Variants in SOX5 observed in about 807,000 individuals in gnomAD.
The protein encoded by SOX5 is SRY-box transcription factor 5, also known as transcription factor SOX-5.
SOX5 carries 9 observed loss-of-function variants against 92.0 expected under a neutral mutation model. The observed-to-expected ratio is 0.10, with a 90% CI of 0.06 to 0.17. The LOEUF (loss-of-function observed/expected upper bound fraction) is 0.17. Ranked by LOEUF, SOX5 falls within the 10% of genes least tolerant of loss-of-function variation. The probability of loss-of-function intolerance (pLI) is 1.00; values close to 1 mark genes in which losing one functional copy is unlikely to be tolerated. For missense variants in SOX5, 642 were observed against 944.5 expected (o/e 0.68, Z 4.20); for synonymous variants, 344 against 336.3 (o/e 1.02, Z -0.25).
intron 2 of SOX5, among the ~76,000 whole-genome samples, chr12:23,880,274 T>G (rs1164419216): frequency 1.3e-5 from 2 of 152,162 alleles, no homozygotes; most frequent in Non-Finnish European, 2.9e-5. Flanking sequence ...ACCTTAACTT[T>G]AGAGATTAGT....
At chr12:23,974,795 A>T (rs1052118724) in intron 4 of SOX5, among the ~76,000 whole-genome samples, 18 of 152,178 alleles carry the variant, frequency 1.2e-4, no homozygotes, top group Non-Finnish European at 2.1e-4. Flanking sequence ...GTGATATGAA[A>T]ATTAAGGAAA....
intron 4 of SOX5, among the ~76,000 whole-genome samples, chr12:24,164,281 A>T (rs1301734584): frequency 6.6e-6 from 1 of 152,096 alleles, no homozygotes; most frequent in African/African-American, 2.4e-5. Flanking sequence ...CACATTTCAG[A>T]GTATATAAAG....
At chr12:24,167,768 T>C (rs1170800638) in intron 4 of SOX5, among the ~76,000 whole-genome samples, 3 of 152,256 alleles carry the variant, frequency 2.0e-5, no homozygotes, top group East Asian at 1.9e-4. Flanking sequence ...AAACATGACA[T>C]AGTGCTTACT....
At chr12:23,675,205 T>C (rs973588) in intron 6 of SOX5, among the ~76,000 whole-genome samples, 111,797 of 152,086 alleles carry the variant, frequency 0.74, 41,441 homozygotes, top group East Asian at 0.91. Flanking sequence ...TACTATGTAT[T>C]CTGTGCAATG....
chr12:24,423,487 C>T (rs1006804350), intron 1 of SOX5, among the ~76,000 whole-genome samples: 1 of 152,182 alleles, frequency 6.6e-6, no homozygotes, highest in African/African-American at 2.4e-5. Context: ...GGTTTTCATG[C>T]TTTCTATATG....
rs118001159 is a variant in SOX5, at chr12:23,675,329, G to A, written c.811-9765C>T. 8.0e-4 allele frequency among the ~76,000 whole-genome samples: 121 copies of A among 152,018 alleles called. 3 individuals are homozygous for A. The East Asian group carries it at 0.019, about 23-fold the overall frequency. On this transcript the variant is annotated intron_variant, in intron 6 of 14. Transcript: ENST00000451604. ...CAAGAGACCTTTTATTCTTCTATCC[G>A]TCCTCAGAGTGCAGACTGCACAGTG...
intron 6 of SOX5, among the ~76,000 whole-genome samples, chr12:23,732,392 T>A (rs1332543683): frequency 6.6e-6 from 1 of 152,192 alleles, no homozygotes; most frequent in Non-Finnish European, 1.5e-5. Flanking sequence ...AACTATTAAG[T>A]GTTTATAAGA....
chr12:24,319,073 C>A (rs1057147898), intron 2 of SOX5, among the ~76,000 whole-genome samples: 2 of 152,214 alleles, frequency 1.3e-5, no homozygotes, highest in Non-Finnish European at 2.9e-5. Context: ...TCTTCTACCA[C>A]TCCTGAGGAA....
At chr12:24,177,934 A>G (rs1342986592) in intron 4 of SOX5, among the ~76,000 whole-genome samples, 1 of 152,220 alleles carries the variant, frequency 6.6e-6, no homozygotes, top group Admixed American at 6.5e-5. Context: ...ACATCAGAAT[A>G]ATACCAATCC....
intron 3 of SOX5, among the ~76,000 whole-genome samples, chr12:24,260,234 A>G (rs1404650796): frequency 6.6e-6 from 1 of 152,176 alleles, no homozygotes; most frequent in African/African-American, 2.4e-5. Context: ...TTCGCTGACG[A>G]GGAGCATGAT....
intron 4 of SOX5, among the ~76,000 whole-genome samples, chr12:24,127,739 C>G (rs962580227): frequency 1.3e-5 from 2 of 152,152 alleles, no homozygotes; most frequent in African/African-American, 2.4e-5. Context: ...GATACATGCC[C>G]CCTGCTTCCA....
intron 4 of SOX5, among the ~76,000 whole-genome samples, chr12:23,971,882 T>C (rs1274349331): frequency 6.6e-6 from 1 of 152,104 alleles, no homozygotes; most frequent in Non-Finnish European, 1.5e-5. Context: ...TTCCTCCAAA[T>C]AGGTAATAAT....
intron 1 of SOX5, among the ~76,000 whole-genome samples, chr12:24,502,342 A>G (rs961092402): frequency 6.6e-6 from 1 of 152,214 alleles, no homozygotes; most frequent in Admixed American, 6.5e-5. Flanking sequence ...CTTCAAAAGG[A>G]TATGGGCGTC....
intron 4 of SOX5, among the ~76,000 whole-genome samples, chr12:24,048,360 C>T (rs980357240): frequency 3.3e-5 from 5 of 152,030 alleles, no homozygotes; most frequent in African/African-American, 7.3e-5. Context: ...TTCAGAATTC[C>T]GCATGTCTCA....
intron 1 of SOX5, among the ~76,000 whole-genome samples, chr12:23,914,811 C>A (rs991800293): frequency 6.6e-6 from 1 of 151,982 alleles, no homozygotes; most frequent in East Asian, 1.9e-4. Context: ...AAATACAAAA[C>A]CTCACATTTC....
chr12:23,839,232 T>C (rs1353777075), intron 3 of SOX5, among the ~76,000 whole-genome samples: 5 of 152,028 alleles, frequency 3.3e-5, no homozygotes, highest in Admixed American at 2.0e-4. Context: ...TGGGACTTAC[T>C]CATGGGGATT....
intron 2 of SOX5, among the ~76,000 whole-genome samples, chr12:24,308,063 G>A (rs895877276): frequency 4.0e-5 from 6 of 151,850 alleles, no homozygotes; most frequent in African/African-American, 7.2e-5. Flanking sequence ...GCAGCTTCCC[G>A]ATAAGATCTC....
intron 1 of SOX5, among the ~76,000 whole-genome samples, chr12:23,935,352 A>G (rs536846777): frequency 1.9e-3 from 284 of 151,350 alleles, no homozygotes; most frequent in Non-Finnish European, 2.9e-3. Flanking sequence ...ATATCCCCAC[A>G]TGAGATGTGA....
chr12:23,776,661 G>A (rs2095112776), intron 3 of SOX5, among the ~76,000 whole-genome samples: 1 of 152,100 alleles, frequency 6.6e-6, no homozygotes, highest in Non-Finnish European at 1.5e-5. Context: ...ATAATTTTGG[G>A]ATTAAATGGT....
Sources: gnomAD v4.1 joint callset for allele counts (sites outside exome capture counted in the v4.1 genomes callset) on GRCh38, gnomAD v4.1.1 for gene constraint, MANE v1.5 for transcripts, NCBI Gene and HGNC (gene_info 2026-07-23, HGNC 2026-07-21) for gene names.